PTGFR: variants seen among roughly 807,000 people sequenced by gnomAD.
PTGFR encodes the protein prostaglandin F receptor, also known as prostaglandin F2-alpha receptor.
A neutral mutation model predicts 26.2 loss-of-function variants in PTGFR; 15 were observed. That is an observed-to-expected ratio of 0.57 (90% CI 0.38 to 0.88). The LOEUF (loss-of-function observed/expected upper bound fraction) is 0.88, where lower values mean the gene tolerates loss of function less well. Ranked by LOEUF, PTGFR falls within the 40% of genes least tolerant of loss-of-function variation. The pLI is 0.00. For missense variants in PTGFR, 369 were observed against 427.2 expected, an observed-to-expected ratio of 0.86 and a Z score of 1.20; for synonymous variants, 165 against 151.1, an observed-to-expected ratio of 1.09 and a Z score of -0.68.
chr1:78,500,998 A>T (rs1291296618), intron 2 of PTGFR, among the ~76,000 whole-genome samples: 1 of 151,596 alleles, frequency 6.6e-6, no homozygotes, highest in Non-Finnish European at 1.5e-5. Flanking sequence ...TTAGAAAAAC[A>T]TGACCTTTTT....
intron 2 of PTGFR, among the ~76,000 whole-genome samples, chr1:78,532,952 T>C (rs34012237): frequency 0.16 from 24,875 of 152,140 alleles, 2,242 homozygotes; most frequent in Non-Finnish European, 0.22. Flanking sequence ...AGGAAATATA[T>C]AAGGCTAATG....
chr1:78,540,409 CAG>C lies in PTGFR; in HGVS notation c.*3724_*3725del. On this transcript the variant is annotated 3_prime_UTR_variant, in exon 3 of 3. Transcript: ENST00000370757. ...TCTTGTCTTCCTAATAGCATTTAAACAGAAACGATTTTTAAAAGTTGTTTTAA... is the reference window on the plus strand; with the variant it reads ...TCTTGTCTTCCTAATAGCATTTAAACAAACGATTTTTAAAAGTTGTTTTAA... Among the ~76,000 whole-genome samples the C allele has an allele frequency of 6.6e-6, 1 of 152,176 alleles. No individual in the cohort carries two copies. Among genetic ancestry groups the C allele is most frequent in the South Asian group, 2.1e-4 (1 of 4,820 alleles).
At chr1:78,523,673 T>C (rs1368543803) in intron 2 of PTGFR, among the ~76,000 whole-genome samples, 1 of 152,162 alleles carries the variant, frequency 6.6e-6, no homozygotes, top group Non-Finnish European at 1.5e-5. Context: ...GAATTTTATT[T>C]TAGCTAATTT....
intron 2 of PTGFR, among the ~76,000 whole-genome samples, chr1:78,524,672 T>C (rs1034633951): frequency 6.6e-6 from 1 of 151,982 alleles, no homozygotes; most frequent in Non-Finnish European, 1.5e-5. Context: ...ATGTTACAGA[T>C]CTTATGCAGT....
At chr1:78,500,782 A>C (rs1449194271) in intron 2 of PTGFR, among the ~76,000 whole-genome samples, 1 of 152,248 alleles carries the variant, frequency 6.6e-6, no homozygotes, top group African/African-American at 2.4e-5. Flanking sequence ...TTTGATAAAT[A>C]TATGAGCTAT....
At chr1:78,524,757 T>C (rs982835724) in intron 2 of PTGFR, among the ~76,000 whole-genome samples, 21 of 151,970 alleles carry the variant, frequency 1.4e-4, no homozygotes, top group African/African-American at 4.8e-4. Context: ...TTTTCTCCTA[T>C]GAAAAGAACA....
intron 2 of PTGFR, among the ~76,000 whole-genome samples, chr1:78,502,620 T>C (rs1358633968): frequency 6.6e-6 from 1 of 152,126 alleles, no homozygotes; most frequent in East Asian, 1.9e-4. Flanking sequence ...CCACTAATCA[T>C]TTTGTCAATG....
intron 2 of PTGFR, among the ~76,000 whole-genome samples, chr1:78,505,120 C>CT (rs11383272): frequency 0.22 from 28,368 of 127,186 alleles, 4,771 homozygotes; most frequent in East Asian, 0.54. Flanking sequence ...TTTATTCTAA[C>CT]TTTTTTTTTT....
At chr1:78,536,212 T>C (rs984758513) in intron 2 of PTGFR, among the ~76,000 whole-genome samples, 194 bp from the exon 3 acceptor site, 6 of 152,174 alleles carry the variant, frequency 3.9e-5, no homozygotes, top group Non-Finnish European at 7.4e-5. Flanking sequence ...AGGTCTAATG[T>C]CAATTTGAAT....
chr1:78,498,028 C>A, intron 2 of PTGFR: 1 of 1,031,836 alleles, frequency 9.7e-7, no homozygotes, highest in Non-Finnish European at 1.4e-6. Context: ...GCTAATATTT[C>A]TAGTCAACAT....
At chr1:78,508,542 C>A (rs1306857679) in intron 2 of PTGFR, among the ~76,000 whole-genome samples, 1 of 152,094 alleles carries the variant, frequency 6.6e-6, no homozygotes, top group Non-Finnish European at 1.5e-5. Context: ...GTCCCCATAG[C>A]AAGTGCTAGC....
intron 2 of PTGFR, among the ~76,000 whole-genome samples, chr1:78,524,878 A>G (rs1313266471): frequency 6.8e-6 from 1 of 146,748 alleles, no homozygotes; most frequent in Non-Finnish European, 1.5e-5. Flanking sequence ...AACTTCATCT[A>G]AAGCTCTACA....
chr1:78,504,912 T>G (rs948971111), intron 2 of PTGFR, among the ~76,000 whole-genome samples: 1 of 152,150 alleles, frequency 6.6e-6, no homozygotes, highest in African/African-American at 2.4e-5. Context: ...GATCTTTATG[T>G]ACAATTAGTA....
chr1:78,516,775 T>G (rs1390742227), intron 2 of PTGFR, among the ~76,000 whole-genome samples: 1 of 152,138 alleles, frequency 6.6e-6, no homozygotes, highest in African/African-American at 2.4e-5. Context: ...AGAAGTCGTT[T>G]TTCTCTCCTA....
chr1:78,500,216 A>G (rs1396650887), intron 2 of PTGFR, among the ~76,000 whole-genome samples: 3 of 152,232 alleles, frequency 2.0e-5, no homozygotes, highest in African/African-American at 7.2e-5. Flanking sequence ...GCTTGCTTAC[A>G]TCATGTCTTT....
At chr1:78,491,974 C>A (rs1230385652) in intron 1 of PTGFR, among the ~76,000 whole-genome samples, 2 of 152,158 alleles carry the variant, frequency 1.3e-5, no homozygotes, top group South Asian at 2.1e-4. Flanking sequence ...GGATCTTGGC[C>A]GAGGTGCACA....
At chr1:78,533,499 T>A (rs1420897913) in intron 2 of PTGFR, among the ~76,000 whole-genome samples, 1 of 152,176 alleles carries the variant, frequency 6.6e-6, no homozygotes, top group African/African-American at 2.4e-5. Context: ...GAGCCCATTG[T>A]TTCCTTCTGT....
chr1:78,524,297 T>A (rs1022830892), intron 2 of PTGFR, among the ~76,000 whole-genome samples: 3 of 152,038 alleles, frequency 2.0e-5, no homozygotes, highest in African/African-American at 7.2e-5. Context: ...GCAAGAGTAA[T>A]CCATTTGGTA....
chr1:78,517,175 A>C (rs1650107116), intron 2 of PTGFR, among the ~76,000 whole-genome samples: 1 of 152,178 alleles, frequency 6.6e-6, no homozygotes, highest in African/African-American at 2.4e-5. Context: ...CTTAAAATAT[A>C]CCATAAAATG....
Sources: allele counts gnomAD v4.1 joint callset (sites outside exome capture counted in the v4.1 genomes callset), GRCh38; gene constraint gnomAD v4.1.1; transcripts MANE v1.5; gene names NCBI Gene and HGNC (gene_info 2026-07-23, HGNC 2026-07-21).